Variants in BECN1 observed in about 807,000 individuals in gnomAD.
BECN1 encodes the protein beclin-1.
A neutral mutation model predicts 60.1 loss-of-function variants in BECN1; 15 were observed. The ratio of observed to expected loss-of-function variants is 0.25; its 90% confidence interval spans 0.17 to 0.38. The LOEUF is 0.38. BECN1 is among the 10% of genes least tolerant of loss of function. The pLI is 1.00. For synonymous variants in BECN1, 179 were observed against 201.8 expected (o/e 0.89, Z 0.96); for missense variants, 424 against 548.2 (o/e 0.77, Z 2.26).
chr17:42,820,590 C>G, intron 3 of BECN1, 184 bp downstream of exon 3: 2 of 569,010 alleles, frequency 3.5e-6, no homozygotes, highest in South Asian at 4.8e-5. Flanking sequence ...ATCTGTACCT[C>G]CAATGGTGCA....
chr17:42,819,718 G>A, intron 3 of BECN1, 109 bp from the exon 4 acceptor site: 1 of 1,101,684 alleles, frequency 9.1e-7, no homozygotes, highest in Middle Eastern at 2.0e-4. Context: ...CACAAGACTT[G>A]ATAAACCACA....
chr17:42,810,661 C>A lies in BECN1; in HGVS notation c.*99G>T. 7.7e-7 allele frequency: 1 copy of A among 1,301,276 alleles called. No homozygotes were observed. Among genetic ancestry groups the A allele is most frequent in the East Asian group, 2.5e-5 (1 of 40,658 alleles). 80.6% of individuals were successfully genotyped at this position (1,301,276 alleles called of 1,614,324 possible). On this transcript the variant is annotated 3_prime_UTR_variant, in exon 12 of 12. Coordinates refer to ENST00000590099, the MANE Select transcript of BECN1 (RefSeq NM_001313998.2). ...ATTTTTTCTTTTTTGGTATTGTAAA[C>A]ATGTACTGTTTAATATTACCCGAAT...
intron 1 of BECN1, 116 bp downstream of exon 1, chr17:42,824,039 G>T: frequency 1.1e-6 from 1 of 937,736 alleles, no homozygotes; most frequent in Non-Finnish European, 1.5e-6. Flanking sequence ...CTGCTTCCGG[G>T]ACAGCCTGAG....
In BECN1 at chr17:42,814,685, G is replaced by A. The variant is rs761574649; in HGVS notation, c.831-12C>T. On this transcript the variant is annotated splice_polypyrimidine_tract_variant and intron_variant, in intron 8 of 11. Transcript: ENST00000590099. ...ACTGTCCACTGTGCCTACAGAGGAA[G>A]GCAGAAAGGTGGGGGGAAATACAGG... 11 of 1,613,930 alleles carry A rather than the reference G, an allele frequency of 6.8e-6. No individual in the cohort carries two copies. Among genetic ancestry groups the A allele is most frequent in the Non-Finnish European group, 9.3e-6 (11 of 1,179,936 alleles).
chr17:42,810,689 A>C lies in BECN1; in HGVS notation c.*71T>G, dbSNP rs2054978359. On this transcript the variant is annotated 3_prime_UTR_variant, in exon 12 of 12. Coordinates refer to ENST00000590099, the MANE Select transcript of BECN1 (RefSeq NM_001313998.2). ...GTACTGTTTAATATTACCCGAATTT[A>C]ATTTAAAACATGTTTGCAAACAAAA... is the stretch of plus-strand genomic sequence containing the variant. 6 of 1,469,014 alleles carry C rather than the reference A, an allele frequency of 4.1e-6. No homozygotes were observed. The highest frequency in any genetic ancestry group is 5.5e-6 in the Non-Finnish European group (6 of 1,090,642). The allele number at this position is 1,469,014 out of a possible 1,614,324, so 91.0% of individuals were successfully genotyped here.
Position 42,816,071 on chromosome 17 carries a change from G to A in BECN1, c.684-17C>T. 1 of 1,561,832 alleles carries A rather than the reference G, an allele frequency of 6.4e-7. No homozygotes were observed. Among genetic ancestry groups the A allele is most frequent in the Non-Finnish European group, 8.7e-7 (1 of 1,155,916 alleles). ...CTCTGATACCTGTGAGCAGCCAAGG[G>A]GGCCATTGAAGGCTGTTAGCTTGGG... is the stretch of plus-strand genomic sequence containing the variant. On this transcript the variant is annotated splice_polypyrimidine_tract_variant and intron_variant, in intron 7 of 11. Transcript: ENST00000590099.
At chr17:42,811,931 A>G (rs2055018687) in intron 10 of BECN1, 134 bp from the exon 11 acceptor site, 11 of 1,068,882 alleles carry the variant, frequency 1.0e-5, no homozygotes, top group Non-Finnish European at 1.5e-5. Flanking sequence ...GCTGGACTCT[A>G]TCTTCCATAG....
At chr17:42,822,253 G>A (rs1253305923) in intron 2 of BECN1, among the ~76,000 whole-genome samples, 1 of 152,180 alleles carries the variant, frequency 6.6e-6, no homozygotes, top group Non-Finnish European at 1.5e-5. Context: ...AGAGAAACCA[G>A]GTAATAATAG....
chr17:42,818,943 T>C lies in BECN1; in HGVS notation c.261-66A>G, dbSNP rs114907828. The C allele has an allele frequency of 1.8e-3, 2,765 of 1,560,366 alleles. 21 individuals are homozygous for C. In the African/African-American group the frequency reaches 0.026, roughly 15 times the overall value. ...GAGAGGCTTCCTCCACCTACTACAATGCCAGTGGCAGAGACTCTCAAGCAC... is the reference window on the plus strand; with the variant it reads ...GAGAGGCTTCCTCCACCTACTACAACGCCAGTGGCAGAGACTCTCAAGCAC... On this transcript the variant is annotated intron_variant, in intron 4 of 11. Transcript: ENST00000590099.
At chr17:42,822,847 ATTT>A (rs59395884) in intron 2 of BECN1, among the ~76,000 whole-genome samples, 5 of 139,818 alleles carry the variant, frequency 3.6e-5, no homozygotes, top group African/African-American at 1.3e-4. Flanking sequence ...ACACCCAGCA[ATTT>A]TTTTTTTTTT....
chr17:42,813,263 G>A (rs60809083), intron 10 of BECN1, among the ~76,000 whole-genome samples: 79 of 151,954 alleles, frequency 5.2e-4, no homozygotes, highest in African/African-American at 1.7e-3. Context: ...GGCCAGGCAC[G>A]GTGGCTCATG....
chr17:42,819,280 C>G (rs921740090), intron 4 of BECN1: 2 of 486,108 alleles, frequency 4.1e-6, no homozygotes, highest in East Asian at 3.3e-5. Flanking sequence ...AAGAGCCCAT[C>G]TCTTGGTGAT....
chr17:42,814,321 T>C (rs1016179282), intron 9 of BECN1: 8 of 662,764 alleles, frequency 1.2e-5, no homozygotes, highest in African/African-American at 3.6e-5. Flanking sequence ...AACTATGCTA[T>C]AGTCACGCAA....
intron 1 of BECN1, 85 bp downstream of exon 1, chr17:42,824,070 G>A (rs926506801): frequency 2.1e-5 from 14 of 663,786 alleles, no homozygotes; most frequent in Admixed American, 3.2e-5. Flanking sequence ...TTAGAGCCCA[G>A]GGTCAGGGAA....
chr17:42,823,795 T>G lies in BECN1; in HGVS notation c.83A>C (p.Asp28Ala). Residue 28 changes from aspartate to alanine, a missense_variant, in exon 2 of 12, where the codon GAC becomes GCC. Physicochemically the swap from Asp to Ala is moderately radical, Grantham distance 126. Transcript: ENST00000590099. ...ACGGTCCAGGATCTTGAAACTCGTG[T>G]CCAGTTTCAGGGGCTGGCTGCAGCG... ...CQRCSQPLKL[D>A]TSFKILDRVT... 6.2e-7 allele frequency: 1 copy of G among 1,614,134 alleles called. No individual in the cohort carries two copies. The highest frequency in any genetic ancestry group is 1.1e-5 in the South Asian group (1 of 91,088).
In BECN1 at chr17:42,810,683, G is replaced by A. The variant is rs756578156; in HGVS notation, c.*77C>T. On this transcript the variant is annotated 3_prime_UTR_variant, in exon 12 of 12. Coordinates refer to ENST00000590099, the MANE Select transcript of BECN1 (RefSeq NM_001313998.2). ...AAACATGTACTGTTTAATATTACCC[G>A]AATTTAATTTAAAACATGTTTGCAA... The A allele has an allele frequency of 1.1e-4, 162 of 1,440,884 alleles. No homozygotes were observed. Among genetic ancestry groups the A allele is most frequent in the Non-Finnish European group, 1.4e-4 (148 of 1,070,694 alleles). The allele number at this position is 1,440,884 out of a possible 1,614,324, so 89.3% of individuals were successfully genotyped here.
In BECN1 at chr17:42,818,962, C is replaced by T; in HGVS notation, c.261-85G>A. ...CTACAATGCCAGTGGCAGAGACTCT[C>T]AAGCACCAGCTGAGGGGCCTCAAGG... is the stretch of plus-strand genomic sequence containing the variant. On this transcript the variant is annotated intron_variant, in intron 4 of 11. Coordinates refer to ENST00000590099, the MANE Select transcript of BECN1 (RefSeq NM_001313998.2). 2.7e-6 allele frequency: 4 copies of T among 1,474,698 alleles called. No homozygotes were observed. In the South Asian group the frequency reaches 3.6e-5, roughly 13 times the overall value. The allele number at this position is 1,474,698 out of a possible 1,614,324, so 91.4% of individuals were successfully genotyped here. A position where few individuals can be genotyped will look rare whatever the true frequency, so the allele number is the denominator to read the frequency against.
At chr17:42,816,762 G>A (rs1408743752) in intron 7 of BECN1, among the ~76,000 whole-genome samples, 1 of 150,490 alleles carries the variant, frequency 6.6e-6, no homozygotes, top group African/African-American at 2.5e-5. Flanking sequence ...CCTGAGGTCA[G>A]GAGTTAGATG....
Position 42,824,136 on chromosome 17 carries a change from AG to A in BECN1, c.-3+18del, listed in dbSNP as rs2055338927. 1 of 470,376 alleles carries A rather than the reference AG, an allele frequency of 2.1e-6. No homozygotes were observed. Among genetic ancestry groups the A allele is most frequent in the Non-Finnish European group, 3.8e-6 (1 of 265,244 alleles). The allele number at this position is 470,376 out of a possible 1,614,324, so 29.1% of individuals were successfully genotyped here. ...AGACTCCCTTCTAAGGTCCCACCTC[AG>A]CCCCCGATGCTCTTCACCTCGGGAG... is the stretch of plus-strand genomic sequence containing the variant. On this transcript the variant is annotated intron_variant, in intron 1 of 11. Coordinates refer to ENST00000590099, the MANE Select transcript of BECN1 (RefSeq NM_001313998.2).
Sources: gnomAD v4.1 joint callset for allele counts (sites outside exome capture counted in the v4.1 genomes callset) on GRCh38, gnomAD v4.1.1 for gene constraint, MANE v1.5 for transcripts, NCBI Gene and HGNC (gene_info 2026-07-23, HGNC 2026-07-21) for gene names.